FSTL5: variants seen among roughly 807,000 people sequenced by gnomAD.
FSTL5 encodes the protein follistatin-related protein 5.
A neutral mutation model predicts 89.1 loss-of-function variants in FSTL5; 62 were observed. That is an observed-to-expected ratio of 0.70 (90% CI 0.57 to 0.86). The LOEUF (loss-of-function observed/expected upper bound fraction) is 0.86, where lower values mean the gene tolerates loss of function less well. Ranked by LOEUF, FSTL5 falls within the 40% of genes least tolerant of loss-of-function variation. The pLI is 0.00. For synonymous variants in FSTL5, 383 were observed against 346.2 expected (o/e 1.11, Z -1.18); for missense variants, 1,057 against 1,001.6 (o/e 1.06, Z -0.75).
At chr4:161,511,828 T>C (rs1005115055) in intron 10 of FSTL5, among the ~76,000 whole-genome samples, 3 of 152,008 alleles carry the variant, frequency 2.0e-5, no homozygotes, top group African/African-American at 7.2e-5. Flanking sequence ...CAAGACAGAA[T>C]GATCAGCTAT....
intron 6 of FSTL5, among the ~76,000 whole-genome samples, chr4:161,712,327 T>G (rs1738811759): frequency 6.6e-6 from 1 of 151,988 alleles, no homozygotes; most frequent in African/African-American, 2.4e-5. Context: ...ATAAATAACA[T>G]AGAGATAAGA....
intron 3 of FSTL5, among the ~76,000 whole-genome samples, chr4:161,976,050 G>A (rs1347891852): frequency 6.7e-6 from 1 of 149,062 alleles, no homozygotes; most frequent in Admixed American, 6.7e-5. Context: ...CTCGGCAGGC[G>A]GATCTTGCAG....
At chr4:161,817,874 G>A (rs961582944) in intron 4 of FSTL5, among the ~76,000 whole-genome samples, 1 of 152,214 alleles carries the variant, frequency 6.6e-6, no homozygotes, top group African/African-American at 2.4e-5. Context: ...GAAGGGAAGA[G>A]CGTGGTCCCT....
intron 8 of FSTL5, among the ~76,000 whole-genome samples, chr4:161,572,806 C>A (rs540934307): frequency 1.0e-3 from 157 of 152,166 alleles, no homozygotes; most frequent in Non-Finnish European, 1.7e-3. Context: ...TACCAACCCA[C>A]AATCAGACTG....
At chr4:161,901,780 A>C (rs904651879) in intron 4 of FSTL5, among the ~76,000 whole-genome samples, 1 of 151,922 alleles carries the variant, frequency 6.6e-6, no homozygotes, top group Non-Finnish European at 1.5e-5. Context: ...ACTAAAATAC[A>C]AAAAATTAGC....
intron 7 of FSTL5, among the ~76,000 whole-genome samples, chr4:161,618,741 G>A (rs1158143400): frequency 1.3e-5 from 2 of 152,056 alleles, no homozygotes; most frequent in African/African-American, 4.8e-5. Flanking sequence ...TTTTATTGAG[G>A]ATTTTTGCAT....
chr4:161,783,649 CTCTTTCTTTCTTTCTCTT>C (rs1283687714), intron 4 of FSTL5, among the ~76,000 whole-genome samples: 2 of 86,620 alleles, frequency 2.3e-5, no homozygotes, highest in Non-Finnish European at 4.7e-5. Flanking sequence ...TTCTTTCTCT[CTCTTTCTTTCTTTCTCTT>C]TCTTTCTTTC....
At chr4:161,503,673 T>C (rs1393621230) in intron 11 of FSTL5, among the ~76,000 whole-genome samples, 11 of 151,978 alleles carry the variant, frequency 7.2e-5, no homozygotes, top group Admixed American at 7.2e-4. Context: ...ATTGTATACT[T>C]ACTCAAAAGG....
At chr4:161,431,722 A>G (rs1447429612) in intron 15 of FSTL5, among the ~76,000 whole-genome samples, 1 of 152,160 alleles carries the variant, frequency 6.6e-6, no homozygotes, top group Non-Finnish European at 1.5e-5. Context: ...TACAAGAGAC[A>G]CATTTCACCA....
intron 4 of FSTL5, among the ~76,000 whole-genome samples, chr4:161,918,516 C>G (rs945186570): frequency 6.6e-6 from 1 of 152,116 alleles, no homozygotes; most frequent in Non-Finnish European, 1.5e-5. Flanking sequence ...TATACATTTA[C>G]TTTATAATAA....
At chr4:161,687,046 T>G (rs1579021427) in intron 6 of FSTL5, among the ~76,000 whole-genome samples, 2 of 152,230 alleles carry the variant, frequency 1.3e-5, no homozygotes, top group East Asian at 3.9e-4. Context: ...TTTTGAAAAT[T>G]AAATAAGTGA....
At chr4:161,491,646 G>A (rs964248267) in intron 12 of FSTL5, among the ~76,000 whole-genome samples, 4 of 151,922 alleles carry the variant, frequency 2.6e-5, no homozygotes, top group African/African-American at 7.3e-5. Flanking sequence ...TTCAAGACCC[G>A]CCTGGTCAAC....
At chr4:161,416,857 A>AG (rs746388546) in intron 15 of FSTL5, among the ~76,000 whole-genome samples, 14,317 of 149,444 alleles carry the variant, frequency 0.096, 730 homozygotes, top group Non-Finnish European at 0.12. Context: ...AAAAAAAAAA[A>AG]AAAAGAAAGA....
intron 4 of FSTL5, among the ~76,000 whole-genome samples, chr4:161,803,268 G>T (rs1258929620): frequency 6.6e-6 from 1 of 151,816 alleles, no homozygotes; most frequent in Non-Finnish European, 1.5e-5. Flanking sequence ...TTAAAAATTG[G>T]CATTCAAGCA....
chr4:161,550,403 C>A (rs72685749), intron 8 of FSTL5, among the ~76,000 whole-genome samples: 11,278 of 151,948 alleles, frequency 0.074, 534 homozygotes, highest in Middle Eastern at 0.15. Context: ...CCTAGTATTT[C>A]TGTGCCTGCT....
chr4:161,455,761 T>G (rs1231192790), intron 14 of FSTL5, among the ~76,000 whole-genome samples: 1 of 152,184 alleles, frequency 6.6e-6, no homozygotes, highest in African/African-American at 2.4e-5. Flanking sequence ...CAAATCCTGT[T>G]AGTTCTTTCT....
intron 7 of FSTL5, among the ~76,000 whole-genome samples, chr4:161,651,646 T>C (rs1736349120): frequency 6.6e-6 from 1 of 152,188 alleles, no homozygotes; most frequent in South Asian, 2.1e-4. Flanking sequence ...TTTTTTCTCA[T>C]TAATTCTCAC....
chr4:162,060,469 C>T (rs1560997325), intron 2 of FSTL5, among the ~76,000 whole-genome samples: 1 of 151,902 alleles, frequency 6.6e-6, no homozygotes, highest in African/African-American at 2.4e-5. Flanking sequence ...TCTATCTAAG[C>T]TTCAAAATTA....
chr4:161,619,429 C>A (rs1230525939), intron 7 of FSTL5, among the ~76,000 whole-genome samples: 2 of 152,060 alleles, frequency 1.3e-5, no homozygotes, highest in Non-Finnish European at 2.9e-5. Context: ...GATAATTTTC[C>A]CAACCTACTC....
Sources: gnomAD v4.1 joint callset for allele counts (sites outside exome capture counted in the v4.1 genomes callset) on GRCh38, gnomAD v4.1.1 for gene constraint, MANE v1.5 for transcripts, NCBI Gene and HGNC (gene_info 2026-07-23, HGNC 2026-07-21) for gene names.